Variants in SEPTIN14 observed in about 807,000 individuals in gnomAD.
The protein encoded by SEPTIN14 is septin 14.
SEPTIN14 carries 40 observed loss-of-function variants against 53.6 expected under a neutral mutation model. The ratio of observed to expected loss-of-function variants is 0.75; its 90% CI spans 0.58 to 0.97. SEPTIN14 has a LOEUF of 0.97. SEPTIN14 is among the 50% of genes least tolerant of loss of function. The probability of loss-of-function intolerance (pLI) is 0.00; values close to 1 mark genes in which losing one functional copy is unlikely to be tolerated. For missense variants in SEPTIN14, 471 were observed against 508.2 expected, an observed-to-expected ratio of 0.93 and a Z score of 0.70; for synonymous variants, 138 against 166.8, an observed-to-expected ratio of 0.83 and a Z score of 1.33.
chr7:55,802,822 T>C (rs1194212235), intron 9 of SEPTIN14, among the ~76,000 whole-genome samples: 1 of 151,028 alleles, frequency 6.6e-6, no homozygotes, highest in Non-Finnish European at 1.5e-5. Flanking sequence ...AACTATGAAA[T>C]GTGAGAAAAT....
rs1466704941 is a variant in SEPTIN14 at position 55,843,217 on chromosome 7, T to C, written c.372-89A>G. 11 of 707,682 alleles carry C rather than the reference T, an allele frequency of 1.6e-5. No homozygotes were observed. The East Asian group carries it at 2.8e-4, about 18-fold the overall frequency. 43.8% of individuals were successfully genotyped at this position (707,682 alleles called of 1,614,324 possible). A position where few individuals can be genotyped will look rare whatever the true frequency, so the allele number is the denominator to read the frequency against. ...ACTTAATGAGCAGTTAACATGTATG[T>C]AAGCAGTTTGCTATAGTGATGAAGA... On this transcript the variant is annotated intron_variant, in intron 4 of 9. Coordinates refer to ENST00000388975, the MANE Select transcript of SEPTIN14 (RefSeq NM_207366.3).
At chr7:55,830,339 A>AT (rs1562713350) in intron 6 of SEPTIN14, among the ~76,000 whole-genome samples, 3 of 59,692 alleles carry the variant, frequency 5.0e-5, no homozygotes, top group Non-Finnish European at 7.0e-5. Flanking sequence ...ATATATATAT[A>AT]TATATATATA....
At chr7:55,830,349 A>ATATATATATATTTTT (rs71015108) in intron 6 of SEPTIN14, among the ~76,000 whole-genome samples, 1 of 56,844 alleles carries the variant, frequency 1.8e-5, no homozygotes, top group Non-Finnish European at 2.8e-5. Context: ...ATATATATAT[A>ATATATATATATTTTT]TTTTTTTTTT....
chr7:55,801,680 G>A (rs1788524058), intron 9 of SEPTIN14, among the ~76,000 whole-genome samples: 1 of 152,108 alleles, frequency 6.6e-6, no homozygotes, highest in Non-Finnish European at 1.5e-5. Flanking sequence ...AGCAGTTTAG[G>A]AGGCTGAGGT....
intron 2 of SEPTIN14, among the ~76,000 whole-genome samples, chr7:55,849,443 A>T (rs1789481428): frequency 6.6e-6 from 1 of 151,684 alleles, no homozygotes; most frequent in African/African-American, 2.4e-5. Flanking sequence ...ACCTAGCTGG[A>T]CTAATAAAAA....
chr7:55,861,617 A>G (rs1185165136), intron 2 of SEPTIN14, among the ~76,000 whole-genome samples: 2 of 152,200 alleles, frequency 1.3e-5, no homozygotes, highest in African/African-American at 4.8e-5. Context: ...CAGTGCATAC[A>G]TTCTGCAAAT....
chr7:55,818,948 A>G (rs1161804953), intron 7 of SEPTIN14, among the ~76,000 whole-genome samples, 179 bp downstream of exon 7: 1 of 152,258 alleles, frequency 6.6e-6, no homozygotes, highest in Non-Finnish European at 1.5e-5. Flanking sequence ...AATGAATCAT[A>G]GTCAAAGTAA....
chr7:55,855,045 T>G (rs1464431521), intron 2 of SEPTIN14, among the ~76,000 whole-genome samples: 3 of 150,894 alleles, frequency 2.0e-5, no homozygotes, highest in Non-Finnish European at 3.0e-5. Flanking sequence ...GTCTCGCTCT[T>G]TCGCCCAGGC....
intron 9 of SEPTIN14, among the ~76,000 whole-genome samples, chr7:55,804,134 TAAAAAAAAAAAAAA>T (rs35467838): frequency 2.1e-5 from 1 of 47,056 alleles, no homozygotes; most frequent in Non-Finnish European, 3.9e-5. Flanking sequence ...AGACTCTGTC[TAAAAAAAAAAAAAA>T]AAAAAAAAAA....
rs1788959360 is a variant in SEPTIN14, at chr7:55,825,026, C to CAT, written c.721-5805_721-5804dup. ...TCCAAATAAGTTGAAAACTTGCGTC[C>CAT]ATACAAAAGCCTGCACACAAATGTT... On this transcript the variant is annotated intron_variant, in intron 6 of 9. Transcript: ENST00000388975. Among the ~76,000 whole-genome samples, 3 of 152,238 alleles carry CAT rather than the reference C, an allele frequency of 2.0e-5. No individual in the cohort carries two copies. The South Asian group carries it at 6.2e-4, about 32-fold the overall frequency.
At chr7:55,846,478 A>C in intron 3 of SEPTIN14, 39 bp downstream of exon 3, 1 of 1,484,958 alleles carries the variant, frequency 6.7e-7, no homozygotes, top group South Asian at 1.3e-5. Flanking sequence ...ACATTGGGAA[A>C]AATGAAGGAA....
chr7:55,847,846 G>A (rs981427513), intron 2 of SEPTIN14, among the ~76,000 whole-genome samples: 1 of 152,062 alleles, frequency 6.6e-6, no homozygotes, highest in Non-Finnish European at 1.5e-5. Flanking sequence ...TACACACAAA[G>A]TTACCAACTG....
intron 2 of SEPTIN14, chr7:55,850,676 CATCCT>C (rs1789501420): frequency 6.6e-6 from 1 of 152,156 alleles, no homozygotes; most frequent in Non-Finnish European, 1.5e-5. Flanking sequence ...CTATTCCCCA[CATCCT>C]ATCTCCTTCC....
intron 5 of SEPTIN14, among the ~76,000 whole-genome samples, chr7:55,842,608 CA>C (rs58014204): frequency 0.22 from 28,107 of 125,508 alleles, 3,447 homozygotes; most frequent in East Asian, 0.45. Context: ...GCCTCAAATA[CA>C]AAAAAAAAAA....
intron 7 of SEPTIN14, among the ~76,000 whole-genome samples, chr7:55,816,040 A>T (rs1475538503): frequency 6.6e-6 from 1 of 152,218 alleles, no homozygotes; most frequent in Non-Finnish European, 1.5e-5. Flanking sequence ...AGATCCTGTC[A>T]TTTGCAACAA....
intron 8 of SEPTIN14, among the ~76,000 whole-genome samples, chr7:55,806,872 C>T (rs1375728051): frequency 2.0e-5 from 3 of 152,144 alleles, no homozygotes; most frequent in African/African-American, 7.2e-5. Flanking sequence ...ATATTGAATA[C>T]ACATATTTCA....
intron 7 of SEPTIN14, among the ~76,000 whole-genome samples, chr7:55,809,419 G>C (rs1015438171): frequency 4.1e-5 from 6 of 146,570 alleles, no homozygotes; most frequent in Non-Finnish European, 6.0e-5. Flanking sequence ...GCAATGGCAC[G>C]ATCTCGGCTC....
intron 8 of SEPTIN14, among the ~76,000 whole-genome samples, chr7:55,806,463 T>A (rs572249254): frequency 1.2e-3 from 142 of 113,660 alleles, no homozygotes; most frequent in African/African-American, 7.4e-3. Context: ...TCCTTTCTTT[T>A]TTTTTCTTTT....
chr7:55,855,278 G>A (rs1789597565), intron 2 of SEPTIN14, among the ~76,000 whole-genome samples: 1 of 152,174 alleles, frequency 6.6e-6, no homozygotes. Context: ...AAAGTGCTGG[G>A]ATTACAGGCG....
Sources: allele counts gnomAD v4.1 joint callset (sites outside exome capture counted in the v4.1 genomes callset), GRCh38; gene constraint gnomAD v4.1.1; transcripts MANE v1.5; gene names NCBI Gene and HGNC (gene_info 2026-07-23, HGNC 2026-07-21).